The following SYTL2 variants were observed in gnomAD, a reference collection of about 807,000 sequenced individuals.
The protein encoded by SYTL2 is synaptotagmin-like protein 2.
Under a neutral mutation model 198.7 loss-of-function variants are expected in SYTL2, and 165 were observed. That is an observed-to-expected ratio of 0.83 (90% confidence interval 0.73 to 0.94). SYTL2 has a LOEUF of 0.94. SYTL2 is among the 40% of genes least tolerant of loss of function. SYTL2 has a pLI of 0.00. For missense variants in SYTL2, 2,835 were observed against 2,582.8 expected, an observed-to-expected ratio of 1.10 and a Z score of -2.12; for synonymous variants, 966 against 917.7, an observed-to-expected ratio of 1.05 and a Z score of -0.95.
chr11:85,776,108 C>T (rs1358944467), intron 1 of SYTL2, among the ~76,000 whole-genome samples: 8 of 152,166 alleles, frequency 5.3e-5, no homozygotes, highest in Non-Finnish European at 8.8e-5. Context: ...CTACCCAGTT[C>T]TCTCACCCTT....
At chr11:85,741,799 A>T (rs1404543536) in intron 4 of SYTL2, among the ~76,000 whole-genome samples, 5 of 152,176 alleles carry the variant, frequency 3.3e-5, no homozygotes, top group Admixed American at 3.3e-4. Context: ...AGAGCTAAAG[A>T]TGTGGCTTTA....
At chr11:85,775,281 A>C (rs1188224983) in intron 1 of SYTL2, among the ~76,000 whole-genome samples, 1 of 152,094 alleles carries the variant, frequency 6.6e-6, no homozygotes, top group Non-Finnish European at 1.5e-5. Flanking sequence ...GTTTGGGATT[A>C]AGCTAGGCAC....
At chr11:85,844,925 C>G in the SYTL2 span, among the ~76,000 whole-genome samples, 5 of 152,182 alleles carry the variant, frequency 3.3e-5, no homozygotes, top group Non-Finnish European at 2.9e-5. Flanking sequence ...TCTCACTTCT[C>G]TCCTATCCCT....
At chr11:85,824,166 G>A in the SYTL2 span, among the ~76,000 whole-genome samples, 18,411 of 152,116 alleles carry the variant, frequency 0.12, 1,364 homozygotes, top group Middle Eastern at 0.18. Context: ...CCTCCAGCAG[G>A]CTGCTGAGTA....
chr11:85,822,908 G>A, the SYTL2 span, among the ~76,000 whole-genome samples: 1 of 152,266 alleles, frequency 6.6e-6, no homozygotes, highest in Non-Finnish European at 1.5e-5. Context: ...GCAAGCACTT[G>A]AATATGGAGA....
intron 15 of SYTL2, among the ~76,000 whole-genome samples, chr11:85,706,501 G>A (rs2153404098): frequency 6.6e-6 from 1 of 152,340 alleles, no homozygotes; most frequent in South Asian, 2.1e-4. Flanking sequence ...CCCCTCATAA[G>A]AGGAGGTATT....
the SYTL2 span, among the ~76,000 whole-genome samples, chr11:85,820,814 G>A: frequency 6.6e-6 from 1 of 152,178 alleles, no homozygotes; most frequent in East Asian, 1.9e-4. Flanking sequence ...ACTTTAGGCT[G>A]CACACTTAAG....
the SYTL2 span, among the ~76,000 whole-genome samples, chr11:85,848,271 A>G: frequency 1.2e-4 from 18 of 150,386 alleles, no homozygotes; most frequent in Middle Eastern, 7.0e-3. Context: ...AGAAAAAAGA[A>G]AAAAAAAAAA....
the SYTL2 span, chr11:85,853,817 A>AAAAAATAAAAAT: frequency 2.6e-5 from 4 of 151,158 alleles, no homozygotes; most frequent in African/African-American, 7.3e-5. Flanking sequence ...GTTAAGCTGT[A>AAAAAATAAAAAT]AAAAATAAAA....
At chr11:85,706,070 G>GA (rs2085097211) in intron 15 of SYTL2, among the ~76,000 whole-genome samples, 1 of 152,130 alleles carries the variant, frequency 6.6e-6, no homozygotes, top group Non-Finnish European at 1.5e-5. Flanking sequence ...GTTTTGGGAA[G>GA]AAAAAGAATA....
At position 85,788,113 on chromosome 11, in the gene SYTL2, A is replaced by C. The variant is rs769195476; in HGVS notation, c.-390+22841T>G. The stretch of plus-strand genomic sequence containing the variant: ...GGGCAGGGAAGGACAAACAGGGGAT[A>C]TGGTTCCAGGGTCCAGTTTTTAAAG... On this transcript the variant is annotated intron_variant, in intron 1 of 19. Coordinates refer to ENST00000359152, the MANE Select transcript of SYTL2 (RefSeq NM_206927.4). 5.9e-5 allele frequency among the ~76,000 whole-genome samples: 9 copies of C among 152,294 alleles called. No homozygotes were observed. In the South Asian group the frequency reaches 1.0e-3, roughly 18 times the overall value.
At chr11:85,850,501 G>A in the SYTL2 span, among the ~76,000 whole-genome samples, 1 of 151,624 alleles carries the variant, frequency 6.6e-6, no homozygotes, top group Non-Finnish European at 1.5e-5. Context: ...AGTTAGAATG[G>A]CCATCATTAA....
At position 85,725,309 on chromosome 11, in the gene SYTL2, G is replaced by T; in HGVS notation, c.4049C>A (p.Thr1350Lys). The T allele has an allele frequency of 1.2e-6, 2 of 1,613,730 alleles. No individual in the cohort carries two copies. Among genetic ancestry groups the T allele is most frequent in the South Asian group, 1.1e-5 (1 of 91,068 alleles). ...VPQARVHPSQTEISETVEKVI... is the reference protein window; with the variant it reads ...VPQARVHPSQKEISETVEKVI... ...TTTCTCTACAGTCTCCGAAATTTCCGTTTGAGAAGGGTGTACCCTAGCCTG... is the reference window on the plus strand; with the variant it reads ...TTTCTCTACAGTCTCCGAAATTTCCTTTTGAGAAGGGTGTACCCTAGCCTG... Residue 1350 changes from threonine to lysine, a missense_variant, in exon 8 of 20, where the codon ACG becomes AAG. Physicochemically the swap from Thr to Lys is moderately conservative, Grantham distance 78. This residue lies in a region of SYTL2 where 2,645 missense variants were observed against 2,381.7 expected (regional missense o/e 1.11). Transcript: ENST00000359152.
intron 10 of SYTL2, 49 bp downstream of exon 10, chr11:85,718,741 C>T (rs2153449404): frequency 1.9e-6 from 3 of 1,582,924 alleles, no homozygotes; most frequent in Middle Eastern, 1.7e-4. Context: ...CCCAAATCAC[C>T]CCAGAAGTTA....
chr11:85,847,046 A>T, the SYTL2 span, among the ~76,000 whole-genome samples: 13 of 152,292 alleles, frequency 8.5e-5, no homozygotes, highest in South Asian at 1.2e-3. Context: ...AAACCATTTT[A>T]AAAAAATTAA....
rs756412964 is a variant in SYTL2, at chr11:85,724,289, C to T, written c.5069G>A (p.Gly1690Glu). The T allele has an allele frequency of 3.8e-6, 6 of 1,563,154 alleles. No homozygotes were observed. The Admixed American group carries it at 8.0e-5, about 21-fold the overall frequency. The change falls in exon 8 of 20, where the codon GGG (glycine) becomes GAG (glutamate). Residue 1690 changes from glycine to glutamate, a missense_variant. Gly to Glu is a moderately conservative substitution (Grantham distance 98, BLOSUM62 -2). Coordinates refer to ENST00000359152, the MANE Select transcript of SYTL2 (RefSeq NM_206927.4). ...AAGAGTCCCTTGTCCCCCTGCAACC[C>T]CACTTTCACTGTCCCTGTCCTCTGG... ...TPPEDRDSES[G>E]VAGGQGTLQE... is the part of the protein sequence containing the mutation.
the SYTL2 span, among the ~76,000 whole-genome samples, chr11:85,844,232 A>G: frequency 6.6e-6 from 1 of 152,214 alleles, no homozygotes; most frequent in Non-Finnish European, 1.5e-5. Flanking sequence ...TACATAGAAT[A>G]AGAAAGTGGT....
At chr11:85,778,578 T>C (rs1401362972) in intron 1 of SYTL2, among the ~76,000 whole-genome samples, 2 of 152,236 alleles carry the variant, frequency 1.3e-5, no homozygotes, top group South Asian at 2.1e-4. Flanking sequence ...GCAAGACCTG[T>C]AGACATGCAC....
At chr11:85,790,308 T>C (rs1177742042) in intron 1 of SYTL2, among the ~76,000 whole-genome samples, 1 of 152,088 alleles carries the variant, frequency 6.6e-6, no homozygotes, top group Admixed American at 6.6e-5. Flanking sequence ...GAAATAGCAA[T>C]TTCACTTGGT....
Sources: allele counts gnomAD v4.1 joint callset (sites outside exome capture counted in the v4.1 genomes callset), GRCh38; gene constraint gnomAD v4.1.1; regional missense constraint gnomAD v4.1.1; transcripts MANE v1.5; gene names NCBI Gene and HGNC (gene_info 2026-07-23, HGNC 2026-07-21).